FMN2: variants seen among roughly 807,000 people sequenced by gnomAD.
FMN2 encodes formin 2.
Under a neutral mutation model 142.3 loss-of-function variants are expected in FMN2, and 51 were observed. The observed-to-expected ratio is 0.36, with a 90% CI of 0.29 to 0.45. The LOEUF is 0.45. Among genes scored for constraint, FMN2 ranks in the 20% least tolerant of loss-of-function variants. The probability of loss-of-function intolerance (pLI) is 1.00; values close to 1 mark genes in which losing one functional copy is unlikely to be tolerated. For missense variants in FMN2, 1,936 were observed against 2,122.8 expected, an observed-to-expected ratio of 0.91 and a Z score of 1.73; for synonymous variants, 882 against 869.8, an observed-to-expected ratio of 1.01 and a Z score of -0.25.
chr1:240,146,532 A>T (rs12033582), intron 2 of FMN2, among the ~76,000 whole-genome samples: 2 of 151,408 alleles, frequency 1.3e-5, no homozygotes, highest in East Asian at 3.9e-4. Context: ...GTGAAACCCC[A>T]TCTCTACTAA....
At chr1:240,267,772 C>T (rs1156296955) in intron 7 of FMN2, among the ~76,000 whole-genome samples, 4 of 151,954 alleles carry the variant, frequency 2.6e-5, no homozygotes, top group African/African-American at 4.8e-5. Flanking sequence ...AGACCCCAAA[C>T]ACTTATAATA....
chr1:240,311,164 T>C (rs1373214992), intron 8 of FMN2, among the ~76,000 whole-genome samples: 1 of 152,186 alleles, frequency 6.6e-6, no homozygotes, highest in Non-Finnish European at 1.5e-5. Context: ...AGGCATACTT[T>C]ATAGTTTTAG....
chr1:240,346,115 T>C (rs1245552187), intron 13 of FMN2, among the ~76,000 whole-genome samples: 4 of 152,100 alleles, frequency 2.6e-5, no homozygotes, highest in Admixed American at 2.6e-4. Context: ...TTCAAATATA[T>C]AGACAAGTAC....
At chr1:240,426,978 A>T (rs1195524625) in intron 15 of FMN2, among the ~76,000 whole-genome samples, 2 of 149,194 alleles carry the variant, frequency 1.3e-5, no homozygotes, top group African/African-American at 2.6e-5. Context: ...ACCTCTGGTG[A>T]TCCACCCGCC....
intron 6 of FMN2, among the ~76,000 whole-genome samples, chr1:240,220,203 C>T (rs924677582): frequency 1.2e-4 from 18 of 151,986 alleles, no homozygotes; most frequent in East Asian, 1.9e-4. Context: ...ACACAGGAAA[C>T]GGAGAAACAG....
At chr1:240,182,240 C>T (rs1423976509) in intron 3 of FMN2, among the ~76,000 whole-genome samples, 1 of 152,138 alleles carries the variant, frequency 6.6e-6, no homozygotes, top group African/African-American at 2.4e-5. Flanking sequence ...TCATGGAGAA[C>T]CTGGAGCAGG....
intron 15 of FMN2, among the ~76,000 whole-genome samples, chr1:240,418,416 C>T (rs1273468903): frequency 6.6e-6 from 1 of 151,700 alleles, no homozygotes; most frequent in Non-Finnish European, 1.5e-5. Context: ...AGGCTGGTCT[C>T]GAACTCCTGA....
intron 7 of FMN2, among the ~76,000 whole-genome samples, chr1:240,267,300 A>C (rs1173143706): frequency 6.6e-6 from 1 of 151,744 alleles, no homozygotes; most frequent in Non-Finnish European, 1.5e-5. Context: ...CAAAAGATGA[A>C]GCCATAAAAA....
At chr1:240,328,238 T>C (rs1424269998) in intron 8 of FMN2, among the ~76,000 whole-genome samples, 2 of 150,342 alleles carry the variant, frequency 1.3e-5, no homozygotes, top group Non-Finnish European at 3.0e-5. Flanking sequence ...AATCATTTAA[T>C]TATATTTTCC....
chr1:240,298,557 T>G (rs1670073065), intron 8 of FMN2, among the ~76,000 whole-genome samples: 1 of 152,282 alleles, frequency 6.6e-6, no homozygotes, highest in Non-Finnish European at 1.5e-5. Flanking sequence ...GAGCCACTGG[T>G]GAGCAAGCAT....
intron 6 of FMN2, among the ~76,000 whole-genome samples, chr1:240,212,501 C>T (rs780504112): frequency 1.3e-5 from 2 of 152,064 alleles, no homozygotes; most frequent in Non-Finnish European, 2.9e-5. Context: ...TGTAGGCACT[C>T]AATAAATATT....
chr1:240,106,317 T>C (rs1661606258), intron 1 of FMN2, among the ~76,000 whole-genome samples: 1 of 152,206 alleles, frequency 6.6e-6, no homozygotes, highest in Non-Finnish European at 1.5e-5. Context: ...GAGTAGTCTA[T>C]GAAACATCCA....
intron 13 of FMN2, among the ~76,000 whole-genome samples, chr1:240,350,772 G>C (rs10495467): frequency 0.1 from 15,382 of 152,176 alleles, 927 homozygotes; most frequent in African/African-American, 0.17. Context: ...TGACCCTCTT[G>C]TCTTGAGGTA....
chr1:240,467,211 C>A (rs758351070), intron 16 of FMN2, among the ~76,000 whole-genome samples: 12 of 151,900 alleles, frequency 7.9e-5, no homozygotes, highest in African/African-American at 1.2e-4. Flanking sequence ...CCCTGTATTA[C>A]AGCACATTAC....
intron 16 of FMN2, among the ~76,000 whole-genome samples, chr1:240,471,365 CTT>C (rs201223518): frequency 4.2e-5 from 6 of 143,180 alleles, no homozygotes; most frequent in Non-Finnish European, 3.1e-5. Context: ...TGTAAATTTT[CTT>C]TTTTTTTTTT....
chr1:240,344,292 T>G (rs1342087864), intron 13 of FMN2, among the ~76,000 whole-genome samples: 1 of 152,246 alleles, frequency 6.6e-6, no homozygotes, highest in Admixed American at 6.5e-5. Flanking sequence ...TTCTGTAATC[T>G]ATGTATAAAT....
At chr1:240,150,803 T>C (rs1416047794) in intron 2 of FMN2, among the ~76,000 whole-genome samples, 2 of 152,194 alleles carry the variant, frequency 1.3e-5, no homozygotes, top group African/African-American at 4.8e-5. Flanking sequence ...AGCATTGAGA[T>C]CTAGGTATGA....
At position 240,208,482 on chromosome 1, in the gene FMN2, C is replaced by A; in HGVS notation, c.3670C>A (p.Pro1224Thr). 2 of 1,611,360 alleles carry A rather than the reference C, an allele frequency of 1.2e-6. No individual in the cohort carries two copies. Among genetic ancestry groups the A allele is most frequent in the Non-Finnish European group, 1.7e-6 (2 of 1,179,130 alleles). Residue 1224 changes from proline (P) to threonine (T), a missense_variant, in exon 5 of 18, where the codon CCA becomes ACA. This residue lies in a region of FMN2 where 259 missense variants were observed against 230.9 expected (regional missense o/e 1.12). Transcript: ENST00000319653. ...GGGGATTCCACCTGCTCCAGCTCCCCCACTCCCTCCACCTGGGACAGGAAT... is the reference window on the plus strand; with the variant it reads ...GGGGATTCCACCTGCTCCAGCTCCCACACTCCCTCCACCTGGGACAGGAAT... ...GMGIPPAPAP[P>T]LPPPGTGIPP... is the part of the protein sequence containing the mutation.
At chr1:240,101,250 G>T (rs922662995) in intron 1 of FMN2, among the ~76,000 whole-genome samples, 1 of 152,140 alleles carries the variant, frequency 6.6e-6, no homozygotes, top group African/African-American at 2.4e-5. Flanking sequence ...CAGCACTGTG[G>T]TTCTATAGAT....
Sources: gnomAD v4.1 joint callset for allele counts (sites outside exome capture counted in the v4.1 genomes callset) on GRCh38, gnomAD v4.1.1 for gene constraint, gnomAD v4.1.1 regional missense constraint, MANE v1.5 for transcripts, NCBI Gene and HGNC (gene_info 2026-07-23, HGNC 2026-07-21) for gene names.